KCNAB1: variants seen among roughly 807,000 people sequenced by gnomAD.
KCNAB1 encodes the protein potassium voltage-gated channel subfamily A regulatory beta subunit 1.
A neutral mutation model predicts 64.6 loss-of-function variants in KCNAB1; 35 were observed. The ratio of observed to expected loss-of-function variants is 0.54; its 90% confidence interval spans 0.41 to 0.72. KCNAB1 has a LOEUF of 0.72. Among genes scored for constraint, KCNAB1 ranks in the 30% least tolerant of loss-of-function variants. KCNAB1 has a pLI of 0.00. For synonymous variants in KCNAB1, 177 were observed against 183.8 expected (o/e 0.96, Z 0.30); for missense variants, 401 against 512.9 (o/e 0.78, Z 2.11).
intron 1 of KCNAB1, among the ~76,000 whole-genome samples, chr3:156,379,659 G>A (rs142086772): frequency 1.6e-4 from 24 of 152,300 alleles, no homozygotes; most frequent in African/African-American, 5.8e-4. Context: ...GCAGGTCAGG[G>A]AGATAGCAGG....
intron 1 of KCNAB1, among the ~76,000 whole-genome samples, chr3:156,403,980 G>A (rs557873568): frequency 5.3e-5 from 8 of 151,826 alleles, no homozygotes; most frequent in African/African-American, 1.5e-4. Context: ...GGTTAACCAA[G>A]GTGCATGGCC....
At chr3:156,207,619 T>C (rs745467933) in intron 1 of KCNAB1, among the ~76,000 whole-genome samples, 8 of 152,240 alleles carry the variant, frequency 5.3e-5, no homozygotes, top group Non-Finnish European at 1.0e-4. Flanking sequence ...TTTATGCCGC[T>C]ACATGAAATA....
chr3:156,405,773 A>AACAC (rs1714205505), intron 1 of KCNAB1, among the ~76,000 whole-genome samples: 1 of 152,230 alleles, frequency 6.6e-6, no homozygotes, highest in Non-Finnish European at 1.5e-5. Context: ...GTTACATAAT[A>AACAC]ACACATCCTA....
At chr3:156,431,554 A>C (rs1716211687) in intron 2 of KCNAB1, among the ~76,000 whole-genome samples, 1 of 152,206 alleles carries the variant, frequency 6.6e-6, no homozygotes, top group African/African-American at 2.4e-5. Flanking sequence ...GGGCCAATGC[A>C]CCGAGGATGA....
intron 8 of KCNAB1, among the ~76,000 whole-genome samples, chr3:156,502,923 T>C (rs1021459553): frequency 6.6e-6 from 1 of 152,246 alleles, no homozygotes; most frequent in Non-Finnish European, 1.5e-5. Context: ...AATTTGTTCA[T>C]TGCCTTGCTC....
chr3:156,257,916 A>C (rs1300372317), intron 1 of KCNAB1, among the ~76,000 whole-genome samples: 20 of 152,234 alleles, frequency 1.3e-4, no homozygotes, highest in Non-Finnish European at 2.9e-5. Context: ...GAATAACAAC[A>C]GAATAGGAAA....
chr3:156,205,238 T>G (rs1368297650), intron 1 of KCNAB1, among the ~76,000 whole-genome samples: 1 of 152,226 alleles, frequency 6.6e-6, no homozygotes, highest in Non-Finnish European at 1.5e-5. Flanking sequence ...TCTGTGTCCA[T>G]AAGTCAGTTA....
chr3:156,290,061 C>T (rs894227393), intron 1 of KCNAB1, among the ~76,000 whole-genome samples: 11 of 152,176 alleles, frequency 7.2e-5, no homozygotes, highest in African/African-American at 2.7e-4. Flanking sequence ...TGTGGCCCAG[C>T]AACAAGCAAA....
chr3:156,352,486 G>T (rs2108087527), intron 1 of KCNAB1, among the ~76,000 whole-genome samples: 1 of 152,292 alleles, frequency 6.6e-6, no homozygotes, highest in African/African-American at 2.4e-5. Flanking sequence ...TCCTCACAGA[G>T]CTCACACAGT....
At chr3:156,265,862 C>A (rs990006514) in intron 1 of KCNAB1, among the ~76,000 whole-genome samples, 1 of 152,078 alleles carries the variant, frequency 6.6e-6, no homozygotes, top group Middle Eastern at 3.2e-3. Context: ...TGTGGTAGCT[C>A]ATGCCTGTAG....
chr3:156,324,062 T>C (rs1039436021), intron 1 of KCNAB1, among the ~76,000 whole-genome samples: 23 of 152,116 alleles, frequency 1.5e-4, no homozygotes, highest in African/African-American at 5.1e-4. Context: ...CTTTTTTTTT[T>C]CTCTCACTTC....
At position 156,421,741 on chromosome 3, in the gene KCNAB1, C is replaced by G. The variant is rs1235055788; in HGVS notation, c.319+82C>G. The G allele has an allele frequency of 3.2e-6, 4 of 1,244,880 alleles. No homozygotes were observed. The African/African-American group carries it at 6.0e-5, about 19-fold the overall frequency. 77.1% of individuals were successfully genotyped at this position (1,244,880 alleles called of 1,614,324 possible). On this transcript the variant is annotated intron_variant, in intron 2 of 13. Coordinates refer to ENST00000490337, the MANE Select transcript of KCNAB1 (RefSeq NM_172160.3). ...CACCAGGGAGTGACTGTGGTCTAGGCCAGGACCTGGTCTCAGATGAGGAGG... is the reference window on the plus strand; with the variant it reads ...CACCAGGGAGTGACTGTGGTCTAGGGCAGGACCTGGTCTCAGATGAGGAGG...
At chr3:156,497,982 C>T (rs1264472914) in intron 8 of KCNAB1, among the ~76,000 whole-genome samples, 1 of 152,106 alleles carries the variant, frequency 6.6e-6, no homozygotes, top group Admixed American at 6.6e-5. Context: ...CATGTCTAAA[C>T]AAGATCTAGT....
chr3:156,187,636 A>G (rs979832437), intron 1 of KCNAB1, among the ~76,000 whole-genome samples: 2 of 152,132 alleles, frequency 1.3e-5, no homozygotes, highest in Admixed American at 6.5e-5. Context: ...ATCAAGTCCT[A>G]TTGACTCCAC....
intron 2 of KCNAB1, among the ~76,000 whole-genome samples, chr3:156,443,379 G>A (rs1464571): frequency 0.54 from 81,602 of 151,522 alleles, 22,753 homozygotes; most frequent in Admixed American, 0.68. Context: ...ATACCATTTG[G>A]CTGGAATAGA....
In KCNAB1 at chr3:156,279,864, T is replaced by C. The variant is rs200169068; in HGVS notation, c.276-141752T>C. 3.3e-5 allele frequency among the ~76,000 whole-genome samples: 5 copies of C among 150,220 alleles called. No homozygotes were observed. The East Asian group carries it at 7.8e-4, about 23-fold the overall frequency. Reference sequence around the variant, plus strand: ...TTGAGTTCATTGTAGATTCTGGATATTAGCCCTTTGTCAGATGAGTAGGTT... The same window carrying C: ...TTGAGTTCATTGTAGATTCTGGATACTAGCCCTTTGTCAGATGAGTAGGTT... On this transcript the variant is annotated intron_variant, in intron 1 of 13. Coordinates refer to ENST00000490337, the MANE Select transcript of KCNAB1 (RefSeq NM_172160.3).
In KCNAB1 at chr3:156,415,685, C is replaced by T. The variant is rs184692737; in HGVS notation, c.276-5931C>T. Among the ~76,000 whole-genome samples the T allele has an allele frequency of 3.9e-5, 6 of 152,216 alleles. No individual in the cohort carries two copies. The East Asian group carries it at 5.8e-4, about 15-fold the overall frequency. ...TCCTGATCTCCATGTACACCTTTGC[C>T]GCCCCTTCTCAATTTTCTTTGCCGA... On this transcript the variant is annotated intron_variant, in intron 1 of 13. Transcript: ENST00000490337.
intron 2 of KCNAB1, among the ~76,000 whole-genome samples, chr3:156,431,824 T>A (rs1002110386): frequency 7.9e-5 from 12 of 152,190 alleles, no homozygotes; most frequent in Non-Finnish European, 1.8e-4. Context: ...GTGAATTCTG[T>A]GAGCTGCAGG....
At chr3:156,304,604 C>T (rs1254166210) in intron 1 of KCNAB1, among the ~76,000 whole-genome samples, 1 of 152,146 alleles carries the variant, frequency 6.6e-6, no homozygotes, top group Non-Finnish European at 1.5e-5. Flanking sequence ...TTTAATTTCC[C>T]TTGTTGGCAT....
Sources: allele counts gnomAD v4.1 joint callset (sites outside exome capture counted in the v4.1 genomes callset), GRCh38; gene constraint gnomAD v4.1.1; transcripts MANE v1.5; gene names NCBI Gene and HGNC (gene_info 2026-07-23, HGNC 2026-07-21).